TUSC3: variants seen among roughly 807,000 people sequenced by gnomAD.
TUSC3 encodes the protein tumor suppressor candidate 3, also known as dolichyl-diphosphooligosaccharide--protein glycosyltransferase subunit TUSC3.
Under a neutral mutation model 44.8 loss-of-function variants are expected in TUSC3, and 45 were observed. The ratio of observed to expected loss-of-function variants is 1.00; its 90% confidence interval spans 0.79 to 1.29. The LOEUF is 1.29. TUSC3 is among the 50% of genes most tolerant of loss of function. TUSC3 has a pLI of 0.00. For synonymous variants in TUSC3, 212 were observed against 152.9 expected (o/e 1.39, Z -2.85); for missense variants, 519 against 437.9 (o/e 1.19, Z -1.65).
chr8:15,849,049 T>A, the TUSC3 span, among the ~76,000 whole-genome samples: 5 of 152,332 alleles, frequency 3.3e-5, no homozygotes, highest in South Asian at 1.0e-3. Flanking sequence ...GCTCAAATTC[T>A]TTTTCATTCA....
the TUSC3 span, among the ~76,000 whole-genome samples, chr8:15,807,690 G>A: frequency 2.0e-5 from 3 of 152,146 alleles, no homozygotes. Flanking sequence ...CCATACAAAA[G>A]AACAAAAGCA....
chr8:15,667,705 A>G (rs1457280599), intron 5 of TUSC3, among the ~76,000 whole-genome samples: 1 of 151,898 alleles, frequency 6.6e-6, no homozygotes, highest in East Asian at 1.9e-4. Context: ...TATCAACTGC[A>G]TAGTGGAAAT....
At chr8:15,650,117 T>A (rs902530482) in intron 2 of TUSC3, among the ~76,000 whole-genome samples, 1 of 152,220 alleles carries the variant, frequency 6.6e-6, no homozygotes, top group Non-Finnish European at 1.5e-5. Context: ...GCATCTGGTT[T>A]AGCTACAAAG....
intron 1 of TUSC3, among the ~76,000 whole-genome samples, chr8:15,442,984 C>G (rs1800040441): frequency 6.6e-6 from 1 of 152,120 alleles, no homozygotes; most frequent in Non-Finnish European, 1.5e-5. Flanking sequence ...CCTCTTTAAG[C>G]TTGATGTTTC....
At position 15,600,263 on chromosome 8, in the gene TUSC3, T is replaced by C. The variant is rs565209929; in HGVS notation, c.139-22817T>C. 2.6e-5 allele frequency among the ~76,000 whole-genome samples: 4 copies of C among 151,862 alleles called. No individual in the cohort carries two copies. In the South Asian group the frequency reaches 8.3e-4, roughly 31 times the overall value. On this transcript the variant is annotated intron_variant, in intron 1 of 10. Coordinates refer to ENST00000503731, the MANE Select transcript of TUSC3 (RefSeq NM_006765.4). ...TTGACAGTAGGGAGAATTATGGCCT[T>C]TGTAATGACAGCAAGATAAAATAAT... is the stretch of plus-strand genomic sequence containing the variant.
intron 1 of TUSC3, among the ~76,000 whole-genome samples, chr8:15,450,653 G>C (rs1324931980): frequency 6.6e-6 from 1 of 152,162 alleles, no homozygotes; most frequent in Non-Finnish European, 1.5e-5. Flanking sequence ...CTGGGAGACA[G>C]AGTGAGACTC....
intron 2 of TUSC3, among the ~76,000 whole-genome samples, chr8:15,515,722 C>A (rs1801207802): frequency 2.0e-5 from 3 of 152,068 alleles, no homozygotes; most frequent in Admixed American, 6.6e-5. Flanking sequence ...GACTGGAGGG[C>A]AGTCATGCAA....
intron 1 of TUSC3, among the ~76,000 whole-genome samples, chr8:15,586,073 G>A (rs949620194): frequency 1.3e-5 from 2 of 151,108 alleles, no homozygotes; most frequent in African/African-American, 4.9e-5. Flanking sequence ...CAGAAACCAG[G>A]AAAAATATTT....
rs1037872856 is a variant in TUSC3, at chr8:15,546,907, G to A, written c.138+6339G>A. Reference sequence around the variant, plus strand: ...TGCCTGCCTGCCTCCCAGTTGGCCTGTCTCTATTTCTTTTTAATGTTGGAA... The same window carrying A: ...TGCCTGCCTGCCTCCCAGTTGGCCTATCTCTATTTCTTTTTAATGTTGGAA... On this transcript the variant is annotated intron_variant, in intron 1 of 10. Transcript: ENST00000503731. Among the ~76,000 whole-genome samples, 4 of 151,650 alleles carry A rather than the reference G, an allele frequency of 2.6e-5. 1 individual carries two copies. Among genetic ancestry groups the A allele is most frequent in the East Asian group, 1.9e-4 (1 of 5,130 alleles).
chr8:15,719,247 A>C (rs1016998113), intron 6 of TUSC3, among the ~76,000 whole-genome samples: 1 of 151,932 alleles, frequency 6.6e-6, no homozygotes, highest in Admixed American at 6.6e-5. Flanking sequence ...ACATGTTTCT[A>C]TCTTAAGGCC....
chr8:15,625,914 A>C (rs1805486135), intron 2 of TUSC3, among the ~76,000 whole-genome samples: 1 of 152,228 alleles, frequency 6.6e-6, no homozygotes, highest in Non-Finnish European at 1.5e-5. Context: ...CCAGTACTTG[A>C]GAGTGTATAA....
intron 1 of TUSC3, among the ~76,000 whole-genome samples, chr8:15,567,494 A>T (rs931557843): frequency 6.6e-6 from 1 of 152,184 alleles, no homozygotes; most frequent in Admixed American, 6.5e-5. Context: ...CATACTTAAG[A>T]TTCCTCTTAA....
intron 2 of TUSC3, among the ~76,000 whole-genome samples, chr8:15,531,038 A>G (rs1049458216): frequency 6.6e-6 from 1 of 152,172 alleles, no homozygotes; most frequent in African/African-American, 2.4e-5. Flanking sequence ...GTATAACTCC[A>G]GTAAACACAC....
intron 3 of TUSC3, among the ~76,000 whole-genome samples, chr8:15,657,096 C>A (rs1391083495): frequency 6.6e-6 from 1 of 152,168 alleles, no homozygotes; most frequent in Non-Finnish European, 1.5e-5. Context: ...CAGGGTCTTT[C>A]TCCCATTTTC....
At chr8:15,572,747 T>A (rs1184049356) in intron 1 of TUSC3, among the ~76,000 whole-genome samples, 1 of 152,148 alleles carries the variant, frequency 6.6e-6, no homozygotes, top group South Asian at 2.1e-4. Flanking sequence ...CTAATTTCAA[T>A]GTTTTTATGC....
intron 6 of TUSC3, among the ~76,000 whole-genome samples, chr8:15,729,202 A>G (rs1331964517): frequency 1.3e-5 from 2 of 152,212 alleles, no homozygotes; most frequent in African/African-American, 4.8e-5. Context: ...CAGATATGTT[A>G]GTCAGTGATG....
intron 8 of TUSC3, among the ~76,000 whole-genome samples, chr8:15,746,585 G>T (rs1811425209): frequency 6.6e-6 from 1 of 151,842 alleles, no homozygotes; most frequent in African/African-American, 2.4e-5. Flanking sequence ...ACAAGTACTT[G>T]AGTAGCATTA....
chr8:15,646,392 A>G (rs1806631994), intron 2 of TUSC3, among the ~76,000 whole-genome samples: 1 of 152,090 alleles, frequency 6.6e-6, no homozygotes, highest in African/African-American at 2.4e-5. Flanking sequence ...AGTGGGGAAC[A>G]TTTTTGGACT....
At chr8:15,610,377 T>G (rs1303659381) in intron 1 of TUSC3, among the ~76,000 whole-genome samples, 1 of 152,192 alleles carries the variant, frequency 6.6e-6, no homozygotes, top group East Asian at 1.9e-4. Context: ...TAGTTAAGTT[T>G]CTCATGGAGA....
Sources: gnomAD v4.1 joint callset for allele counts (sites outside exome capture counted in the v4.1 genomes callset) on GRCh38, gnomAD v4.1.1 for gene constraint, MANE v1.5 for transcripts, NCBI Gene and HGNC (gene_info 2026-07-23, HGNC 2026-07-21) for gene names.